PTK2: variants seen among roughly 807,000 people sequenced by gnomAD.
The protein encoded by PTK2 is focal adhesion kinase 1.
PTK2 carries 45 observed loss-of-function variants against 150.1 expected under a neutral mutation model. That is an observed-to-expected ratio of 0.30 (90% CI 0.24 to 0.38). PTK2 has a LOEUF of 0.38. Ranked by LOEUF, PTK2 falls within the 10% of genes least tolerant of loss-of-function variation. PTK2 has a pLI of 1.00. For synonymous variants in PTK2, 432 were observed against 449.2 expected, an observed-to-expected ratio of 0.96 and a Z score of 0.48; for missense variants, 919 against 1,307.3, an observed-to-expected ratio of 0.70 and a Z score of 4.58.
At chr8:140,790,150 G>A (rs2100087635) in intron 13 of PTK2, among the ~76,000 whole-genome samples, 1 of 152,032 alleles carries the variant, frequency 6.6e-6, no homozygotes, top group Admixed American at 6.5e-5. Flanking sequence ...AAAACTTTTG[G>A]AAAGCACAAA....
intron 1 of PTK2, among the ~76,000 whole-genome samples, chr8:140,971,341 T>C (rs1187367905): frequency 3.9e-5 from 6 of 152,242 alleles, no homozygotes; most frequent in Non-Finnish European, 5.9e-5. Flanking sequence ...ATTGGACCAG[T>C]AGCATCCACA....
chr8:140,681,457 T>TAGGA (rs1181776679), intron 27 of PTK2, among the ~76,000 whole-genome samples: 3 of 151,668 alleles, frequency 2.0e-5, no homozygotes, highest in African/African-American at 7.3e-5. Flanking sequence ...GCTGCTTCCT[T>TAGGA]ATGTTGAAGA....
At chr8:140,864,150 A>G (rs780593183) in intron 5 of PTK2, among the ~76,000 whole-genome samples, 162 bp downstream of exon 5, 3 of 152,250 alleles carry the variant, frequency 2.0e-5, no homozygotes, top group Non-Finnish European at 4.4e-5. Flanking sequence ...AAAGAACAAA[A>G]AAATTAATAA....
Position 140,857,289 on chromosome 8 carries a change from G to A in PTK2, c.450+7023C>T, listed in dbSNP as rs546423007. Among the ~76,000 whole-genome samples the A allele has an allele frequency of 2.0e-5, 3 of 152,178 alleles. No individual in the cohort carries two copies. In the East Asian group the frequency reaches 5.8e-4, roughly 29 times the overall value. ...GCTTCTCAGTGTCTTCACAATCAAG[G>A]TCAGATGACTGAAAAGGGCATCTCA... On this transcript the variant is annotated intron_variant, in intron 5 of 31. Transcript: ENST00000522684.
intron 1 of PTK2, among the ~76,000 whole-genome samples, chr8:140,977,175 A>G (rs952240857): frequency 1.3e-5 from 2 of 152,084 alleles, no homozygotes; most frequent in African/African-American, 4.8e-5. Context: ...AGACTGCTTA[A>G]GCCCAGGAGC....
chr8:140,664,480 T>G (rs7017660), intron 31 of PTK2, among the ~76,000 whole-genome samples: 5,285 of 152,242 alleles, frequency 0.035, 281 homozygotes, highest in African/African-American at 0.12. Flanking sequence ...CCAGGATCAT[T>G]TGCAAGCTCA....
intron 1 of PTK2, among the ~76,000 whole-genome samples, chr8:140,958,521 G>C (rs2100181986): frequency 6.6e-6 from 1 of 152,040 alleles, no homozygotes; most frequent in Non-Finnish European, 1.5e-5. Context: ...GTTGCTTTTT[G>C]TGTCCAGAGA....
At chr8:140,786,945 CT>C (rs1344389721) in intron 14 of PTK2, among the ~76,000 whole-genome samples, 1 of 151,816 alleles carries the variant, frequency 6.6e-6, no homozygotes, top group African/African-American at 2.4e-5. Flanking sequence ...CAGCCACCAA[CT>C]TTTTTTTGGC....
intron 14 of PTK2, among the ~76,000 whole-genome samples, chr8:140,786,859 A>C (rs2100085269): frequency 6.6e-6 from 1 of 152,112 alleles, no homozygotes; most frequent in South Asian, 2.1e-4. Context: ...CTATTTTTAT[A>C]TGTAATGATG....
chr8:140,962,739 C>A (rs570031117), intron 1 of PTK2, among the ~76,000 whole-genome samples: 1 of 152,042 alleles, frequency 6.6e-6, no homozygotes, highest in South Asian at 2.1e-4. Context: ...TGAGATCACG[C>A]CACTGCACCC....
At chr8:140,864,885 T>C (rs1259304467) in intron 4 of PTK2, among the ~76,000 whole-genome samples, 1 of 152,240 alleles carries the variant, frequency 6.6e-6, no homozygotes, top group East Asian at 1.9e-4. Context: ...ATGAACACTT[T>C]TATAAATGTC....
intron 10 of PTK2, among the ~76,000 whole-genome samples, chr8:140,805,247 G>T (rs931896968): frequency 5.9e-5 from 9 of 152,046 alleles, no homozygotes; most frequent in African/African-American, 2.2e-4. Context: ...CTTCCTCCAG[G>T]CTTCTTGACT....
At chr8:140,976,440 A>G (rs934869272) in intron 1 of PTK2, among the ~76,000 whole-genome samples, 5 of 152,280 alleles carry the variant, frequency 3.3e-5, no homozygotes, top group Non-Finnish European at 7.3e-5. Context: ...GTCCCAGAAT[A>G]ACCACAAGCT....
intron 22 of PTK2, among the ~76,000 whole-genome samples, chr8:140,726,979 G>A (rs2100046230): frequency 6.6e-6 from 1 of 152,184 alleles, no homozygotes; most frequent in African/African-American, 2.4e-5. Context: ...TGCTGGCAAA[G>A]TTTCTACATT....
At chr8:140,847,758 A>G (rs574302003) in intron 5 of PTK2, among the ~76,000 whole-genome samples, 1 of 152,146 alleles carries the variant, frequency 6.6e-6, no homozygotes, top group Non-Finnish European at 1.5e-5. Context: ...GACCCTTTAT[A>G]TAAAAAGTGT....
intron 1 of PTK2, among the ~76,000 whole-genome samples, chr8:140,937,157 T>C (rs2100173924): frequency 6.6e-6 from 1 of 152,230 alleles, no homozygotes; most frequent in Non-Finnish European, 1.5e-5. Flanking sequence ...CATTAAAATA[T>C]ACACCTAATT....
intron 4 of PTK2, among the ~76,000 whole-genome samples, chr8:140,866,160 T>TAA (rs547988352): frequency 6.6e-6 from 1 of 151,124 alleles, no homozygotes; most frequent in South Asian, 2.1e-4. Flanking sequence ...TTCTGCAGAC[T>TAA]AAAAAAAAAT....
rs879916491 is a variant in PTK2, at chr8:140,935,774, C to T, written c.-121-10025G>A. 1.0e-4 allele frequency among the ~76,000 whole-genome samples: 14 copies of T among 140,316 alleles called. No homozygotes were observed. The Admixed American group carries it at 1.0e-3, about 11-fold the overall frequency. The allele number at this position is 140,316 out of a possible 152,430, so 92.1% of individuals were successfully genotyped here. A position where few individuals can be genotyped will look rare whatever the true frequency, so the allele number is the denominator to read the frequency against. ...CTGCAAGCTCCTCCTGGGTTCATGC[C>T]ACTCTCCTGCCTCAGGCTCCTGAGT... is the stretch of plus-strand genomic sequence containing the variant. On this transcript the variant is annotated intron_variant, in intron 1 of 31. Coordinates refer to ENST00000522684, the Ensembl canonical transcript of PTK2.
At chr8:140,666,553 T>C (rs1255173750) in intron 30 of PTK2, among the ~76,000 whole-genome samples, 1 of 152,110 alleles carries the variant, frequency 6.6e-6, no homozygotes, top group African/African-American at 2.4e-5. Flanking sequence ...TTCACATCCA[T>C]TAGGATGACA....
Sources: gnomAD v4.1 joint callset for allele counts (sites outside exome capture counted in the v4.1 genomes callset) on GRCh38, gnomAD v4.1.1 for gene constraint, MANE v1.5 for transcripts, NCBI Gene and HGNC (gene_info 2026-07-23, HGNC 2026-07-21) for gene names.